OXR1: variants seen among roughly 807,000 people sequenced by gnomAD.
The protein encoded by OXR1 is oxidation resistance 1, also known as oxidation resistance protein 1.
OXR1 carries 41 observed loss-of-function variants against 104.6 expected under a neutral mutation model. The ratio of observed to expected loss-of-function variants is 0.39; its 90% confidence interval spans 0.31 to 0.51. The LOEUF (loss-of-function observed/expected upper bound fraction) is 0.51. Ranked by LOEUF, OXR1 falls within the 20% of genes least tolerant of loss-of-function variation. The pLI, the probability that OXR1 is intolerant of heterozygous loss-of-function variation, is 0.77. For synonymous variants in OXR1, 348 were observed against 348.4 expected (o/e 1.00, Z 0.01); for missense variants, 955 against 1,031.9 (o/e 0.93, Z 1.02).
At chr8:106,358,947 T>A (rs549479083) in intron 1 of OXR1, among the ~76,000 whole-genome samples, 1 of 152,172 alleles carries the variant, frequency 6.6e-6, no homozygotes, top group African/African-American at 2.4e-5. Flanking sequence ...ATAATTTAAT[T>A]CACCGTCTTA....
At chr8:106,525,574 A>G (rs544961475) in intron 3 of OXR1, among the ~76,000 whole-genome samples, 3 of 152,210 alleles carry the variant, frequency 2.0e-5, no homozygotes, top group Non-Finnish European at 2.9e-5. Flanking sequence ...CTCTTTTATT[A>G]CTTATGCCAC....
At chr8:106,633,232 AAAAACAAAAC>A (rs371897998) in intron 3 of OXR1, among the ~76,000 whole-genome samples, 1 of 152,100 alleles carries the variant, frequency 6.6e-6, no homozygotes, top group African/African-American at 2.4e-5. Context: ...ATTCCATCAA[AAAAACAAAAC>A]AAAACAAAAC....
chr8:106,503,181 T>G (rs1811922019), intron 2 of OXR1, among the ~76,000 whole-genome samples: 1 of 152,184 alleles, frequency 6.6e-6, no homozygotes, highest in Non-Finnish European at 1.5e-5. Flanking sequence ...GAAGGATGTC[T>G]CTCTTCCATT....
intron 2 of OXR1, among the ~76,000 whole-genome samples, chr8:106,379,512 C>CT (rs1330897504): frequency 1.4e-4 from 19 of 131,480 alleles, no homozygotes; most frequent in East Asian, 6.6e-4. Flanking sequence ...AGCCTGTATT[C>CT]TTTTTTTTAC....
chr8:106,448,114 T>C, intron 2 of OXR1: 1 of 1,496,760 alleles, frequency 6.7e-7, no homozygotes, highest in South Asian at 1.2e-5. Context: ...CGTTTCCTAG[T>C]TCCATTATAA....
At chr8:106,610,825 AAAGT>A (rs1820759733) in intron 3 of OXR1, among the ~76,000 whole-genome samples, 1 of 152,380 alleles carries the variant, frequency 6.6e-6, no homozygotes, top group African/African-American at 2.4e-5. Flanking sequence ...AATTTAAAAT[AAAGT>A]AATAAGATTC....
chr8:106,316,721 T>TATCTATCTATCTATCTATCTATC (rs1813967938), intron 1 of OXR1, among the ~76,000 whole-genome samples: 3 of 35,194 alleles, frequency 8.5e-5, no homozygotes, highest in African/African-American at 2.1e-4. Context: ...ATCTATCATC[T>TATCTATCTATCTATCTATCTATC]ATCTATCTAT....
chr8:106,476,477 CTGA>C (rs1401021316), intron 2 of OXR1, among the ~76,000 whole-genome samples: 1 of 151,868 alleles, frequency 6.6e-6, no homozygotes, highest in African/African-American at 2.4e-5. Context: ...AAAGGCAGTC[CTGA>C]TTATAAACCT....
At chr8:106,606,494 T>C (rs1820408828) in intron 3 of OXR1, among the ~76,000 whole-genome samples, 1 of 148,940 alleles carries the variant, frequency 6.7e-6, no homozygotes, top group Admixed American at 6.7e-5. Flanking sequence ...GTATTTTTAC[T>C]AGAAACAGGG....
At chr8:106,745,240 A>G (rs1324231128) in intron 15 of OXR1, among the ~76,000 whole-genome samples, 1 of 152,228 alleles carries the variant, frequency 6.6e-6, no homozygotes, top group African/African-American at 2.4e-5. Context: ...ATTCATGTCT[A>G]GTTTGCTCTT....
At chr8:106,574,946 A>C (rs1358176286) in intron 3 of OXR1, among the ~76,000 whole-genome samples, 1 of 152,192 alleles carries the variant, frequency 6.6e-6, no homozygotes, top group Non-Finnish European at 1.5e-5. Flanking sequence ...ATAACCATTA[A>C]GTTATCTTTA....
intron 1 of OXR1, among the ~76,000 whole-genome samples, chr8:106,290,678 C>T (rs577945072): frequency 3.4e-4 from 52 of 152,208 alleles, no homozygotes; most frequent in African/African-American, 9.9e-4. Context: ...AAATGGCCAA[C>T]ACACATATGA....
In OXR1 at chr8:106,506,292, A is replaced by G. The variant is rs181381153; in HGVS notation, c.24-12651A>G. Among the ~76,000 whole-genome samples, 7 of 152,274 alleles carry G rather than the reference A, an allele frequency of 4.6e-5. No individual in the cohort carries two copies. In the East Asian group the frequency reaches 1.4e-3, roughly 29 times the overall value. On this transcript the variant is annotated intron_variant, in intron 2 of 16. Coordinates refer to ENST00000517566, the MANE Select transcript of OXR1 (RefSeq NM_001198533.2). ...TAGCTAGCTGAATATTTAAGTTCCA[A>G]GTGTTGAGGAAAACTTTGGAGGTAA... is the stretch of plus-strand genomic sequence containing the variant.
intron 1 of OXR1, among the ~76,000 whole-genome samples, chr8:106,315,087 G>A (rs1813874011): frequency 6.6e-6 from 1 of 151,572 alleles, no homozygotes; most frequent in African/African-American, 2.4e-5. Context: ...GAGAGGCATT[G>A]TAGTAGAAAG....
chr8:106,493,105 T>C (rs1811203811), intron 2 of OXR1, among the ~76,000 whole-genome samples: 1 of 152,124 alleles, frequency 6.6e-6, no homozygotes, highest in African/African-American at 2.4e-5. Context: ...CATTATAAAT[T>C]ATTATACATT....
At chr8:106,602,167 C>T (rs1210100451) in intron 3 of OXR1, among the ~76,000 whole-genome samples, 1 of 152,102 alleles carries the variant, frequency 6.6e-6, no homozygotes, top group East Asian at 1.9e-4. Context: ...GATTCCTAGC[C>T]CACAAAACCG....
intron 2 of OXR1, among the ~76,000 whole-genome samples, chr8:106,401,677 T>C (rs906767475): frequency 1.6e-4 from 25 of 152,170 alleles, no homozygotes; most frequent in Non-Finnish European, 4.4e-5. Context: ...CAACAACTTA[T>C]CCTTCATCTC....
intron 2 of OXR1, among the ~76,000 whole-genome samples, chr8:106,375,740 T>C (rs1202633640): frequency 1.3e-5 from 2 of 152,200 alleles, no homozygotes; most frequent in East Asian, 3.8e-4. Context: ...AGAGAGTGTG[T>C]ATACAATATT....
chr8:106,672,509 A>G (rs1827132189), intron 3 of OXR1, among the ~76,000 whole-genome samples: 1 of 89,950 alleles, frequency 1.1e-5, no homozygotes, highest in Non-Finnish European at 2.6e-5. Flanking sequence ...AGAGAGAGAA[A>G]GAAAGAAAGA....
Sources: gnomAD v4.1 joint callset for allele counts (sites outside exome capture counted in the v4.1 genomes callset) on GRCh38, gnomAD v4.1.1 for gene constraint, MANE v1.5 for transcripts, NCBI Gene and HGNC (gene_info 2026-07-23, HGNC 2026-07-21) for gene names.